PHLDB2: variants seen among roughly 807,000 people sequenced by gnomAD.
PHLDB2 encodes pleckstrin homology like domain family B member 2.
Under a neutral mutation model 123.6 loss-of-function variants are expected in PHLDB2, and 71 were observed. The ratio of observed to expected loss-of-function variants is 0.57; its 90% CI spans 0.47 to 0.70. The LOEUF is 0.70. PHLDB2 is among the 30% of genes least tolerant of loss of function. PHLDB2 has a pLI of 0.00. For missense variants in PHLDB2, 1,446 were observed against 1,519.5 expected (o/e 0.95, Z 0.80); for synonymous variants, 547 against 541.6 (o/e 1.01, Z -0.14).
intron 1 of PHLDB2, among the ~76,000 whole-genome samples, chr3:111,751,420 C>T (rs1236722131): frequency 1.3e-5 from 2 of 152,212 alleles, no homozygotes; most frequent in South Asian, 2.1e-4. Flanking sequence ...ATGTTCTACT[C>T]ATTTTATAAA....
At chr3:111,842,850 A>G (rs1225432494) in intron 1 of PHLDB2, among the ~76,000 whole-genome samples, 1 of 152,216 alleles carries the variant, frequency 6.6e-6, no homozygotes, top group Non-Finnish European at 1.5e-5. Context: ...TATAAATGTA[A>G]TCATGTAATA....
intron 1 of PHLDB2, among the ~76,000 whole-genome samples, chr3:111,828,525 T>C (rs1031945338): frequency 2.6e-5 from 4 of 152,216 alleles, no homozygotes; most frequent in African/African-American, 9.6e-5. Flanking sequence ...GCACAGTGGT[T>C]CACGCCTGTA....
upstream of PHLDB2, among the ~76,000 whole-genome samples, chr3:111,855,399 CTCTT>C (rs999624216): frequency 2.0e-5 from 3 of 147,738 alleles, no homozygotes; most frequent in Non-Finnish European, 4.5e-5. Context: ...GAAAGACTCT[CTCTT>C]TCTTCCTTCC....
At position 111,949,707 on chromosome 3, in the gene PHLDB2, A is replaced by C. The variant is rs555514619; in HGVS notation, c.2631+632A>C. On this transcript the variant is annotated intron_variant, in intron 10 of 17. Coordinates refer to ENST00000431670, the MANE Select transcript of PHLDB2 (RefSeq NM_001134438.2). ...CTTTTCTTTCTCCTATAAAGCAAAG[A>C]TCACCTGTCTATTCTGGATTTGTGT... The C allele has an allele frequency of 2.2e-3, 2,159 of 984,862 alleles. 5 individuals are homozygous for C. Among genetic ancestry groups the C allele is most frequent in the African/African-American group, 2.4e-3 (136 of 57,334 alleles). The allele number at this position is 984,862 out of a possible 1,614,324, so 61.0% of individuals were successfully genotyped here.
chr3:111,801,729 G>C (rs182828910), intron 1 of PHLDB2, among the ~76,000 whole-genome samples: 4 of 152,258 alleles, frequency 2.6e-5, no homozygotes, highest in Admixed American at 2.6e-4. Context: ...TAAGTGAAAG[G>C]AGACAGACAC....
chr3:111,900,170 C>T (rs1289534757), intron 2 of PHLDB2, among the ~76,000 whole-genome samples: 1 of 152,212 alleles, frequency 6.6e-6, no homozygotes, highest in Non-Finnish European at 1.5e-5. Context: ...AGTGTTTGAT[C>T]TATTTTGACC....
chr3:111,769,112 A>G (rs2060131157), intron 1 of PHLDB2, among the ~76,000 whole-genome samples: 1 of 152,210 alleles, frequency 6.6e-6, no homozygotes, highest in South Asian at 2.1e-4. Context: ...ACTTTTATTT[A>G]TCAACTGAGA....
At chr3:111,856,441 CA>C (rs1395902572), upstream of PHLDB2, among the ~76,000 whole-genome samples, 3 of 152,128 alleles carry the variant, frequency 2.0e-5, no homozygotes, top group African/African-American at 7.2e-5. Context: ...GGAGTAGTAA[CA>C]AACAGTAACT....
chr3:111,866,399 G>C (rs1319927433), intron 1 of PHLDB2, among the ~76,000 whole-genome samples: 1 of 152,160 alleles, frequency 6.6e-6, no homozygotes, highest in African/African-American at 2.4e-5. Context: ...TCCACCTCTT[G>C]TGAGCCTGTT....
intron 2 of PHLDB2, among the ~76,000 whole-genome samples, chr3:111,890,551 G>A (rs2066419475): frequency 6.6e-6 from 1 of 152,174 alleles, no homozygotes; most frequent in Non-Finnish European, 1.5e-5. Flanking sequence ...AGATGCCAAA[G>A]ATTTCTTTAA....
chr3:111,746,958 C>T lies in PHLDB2; in HGVS notation c.-49+14255C>T, dbSNP rs115464683. ...GATGCTAGAAGATACTGGGAAATGC[C>T]TTCAAAGTTAGGGAACGTTTCCACC... On this transcript the variant is annotated intron_variant, in intron 1 of 17. Transcript: ENST00000393923. Among the ~76,000 whole-genome samples, 1,214 of 152,222 alleles carry T rather than the reference C, an allele frequency of 8.0e-3. 5 individuals carry two copies. The highest frequency in any genetic ancestry group is 0.012 in the Non-Finnish European group (790 of 68,022).
chr3:111,837,966 C>T (rs992884862), intron 1 of PHLDB2, among the ~76,000 whole-genome samples: 13 of 152,068 alleles, frequency 8.5e-5, no homozygotes, highest in East Asian at 3.9e-4. Context: ...CACTTGAACC[C>T]GGGAGGTGGA....
intron 1 of PHLDB2, among the ~76,000 whole-genome samples, chr3:111,786,271 A>C (rs1410349842): frequency 6.6e-6 from 1 of 152,174 alleles, no homozygotes; most frequent in Non-Finnish European, 1.5e-5. Flanking sequence ...TAATGACAAG[A>C]AAAAAAGTCA....
intron 1 of PHLDB2, among the ~76,000 whole-genome samples, chr3:111,876,274 G>T (rs1161644347): frequency 3.9e-5 from 6 of 152,144 alleles, no homozygotes; most frequent in Admixed American, 6.6e-5. Context: ...ATTTTGGCTT[G>T]ACCCCTACCT....
At chr3:111,964,830 A>G (rs920923002) in intron 13 of PHLDB2, among the ~76,000 whole-genome samples, 1 of 152,192 alleles carries the variant, frequency 6.6e-6, no homozygotes, top group Non-Finnish European at 1.5e-5. Context: ...ACTATATGAA[A>G]AAAAGGGATA....
intron 1 of PHLDB2, among the ~76,000 whole-genome samples, chr3:111,813,409 A>G (rs2061934781): frequency 6.6e-6 from 1 of 152,156 alleles, no homozygotes; most frequent in African/African-American, 2.4e-5. Context: ...TTTGGTCTTT[A>G]GTTAATCCTT....
upstream of PHLDB2, among the ~76,000 whole-genome samples, chr3:111,856,032 G>T (rs2064490943): frequency 6.6e-6 from 1 of 152,126 alleles, no homozygotes; most frequent in African/African-American, 2.4e-5. Flanking sequence ...TAACTCATCA[G>T]GAATGGGAAA....
rs938971344 is a variant in PHLDB2, at chr3:111,962,201, T to G, written c.2966T>G (p.Phe989Cys). The G allele has an allele frequency of 1.3e-6, 2 of 1,580,360 alleles. No individual in the cohort carries two copies. Among genetic ancestry groups the G allele is most frequent in the Admixed American group, 4.1e-5 (2 of 48,474 alleles). ...GAATCAAATGTCTACTTGAATAGTT[T>G]CCATTATCCAGATCACAGCTACAAG... Reference protein sequence around the residue: ...ASESNVYLNSFHYPDHSYKDQ... With the variant: ...ASESNVYLNSCHYPDHSYKDQ... Residue 989 changes from phenylalanine to cysteine, a missense_variant, in exon 13 of 18, where the codon TTC (phenylalanine) becomes TGC (cysteine). By Grantham distance (205) the Phe-to-Cys change is radical. Coordinates refer to ENST00000431670, the MANE Select transcript of PHLDB2 (RefSeq NM_001134438.2).
intron 1 of PHLDB2, among the ~76,000 whole-genome samples, chr3:111,808,988 CTTTGACT>C (rs2061717459): frequency 6.6e-6 from 1 of 152,124 alleles, no homozygotes; most frequent in Admixed American, 6.5e-5. Context: ...ATATCTTGGT[CTTTGACT>C]AGTATATTTA....
Sources: allele counts gnomAD v4.1 joint callset (sites outside exome capture counted in the v4.1 genomes callset), GRCh38; gene constraint gnomAD v4.1.1; transcripts MANE v1.5; gene names NCBI Gene and HGNC (gene_info 2026-07-23, HGNC 2026-07-21).